Variants in PLAC1 observed in about 807,000 individuals in gnomAD.
PLAC1 encodes placenta associated 1.
For missense variants in PLAC1, 136 were observed against 163.2 expected (o/e 0.83, Z 0.91); for synonymous variants, 68 against 62.1 (o/e 1.09, Z -0.44).
chrX:134,689,379 C>T (rs192013473), intron 2 of PLAC1, among the ~76,000 whole-genome samples: 3 of 112,038 alleles, frequency 2.7e-5, no homozygotes, highest in African/African-American at 9.7e-5. Flanking sequence ...TTTTCACTAT[C>T]TCCATACAAA....
rs770794730 is a variant in PLAC1 at position 134,709,691 on chromosome X, T to G, written n.174+23744A>C. ...AAAAAGGGCCTACAAACAACTCAGG[T>G]AAGTCTATGAGAACTAGGTAAAGGA... On this transcript the variant is annotated intron_variant and non_coding_transcript_variant, in intron 2 of 2. Transcript: ENST00000466797. Among the ~76,000 whole-genome samples, 5 of 111,896 alleles carry G rather than the reference T, an allele frequency of 4.5e-5. No homozygotes were observed. The South Asian group carries it at 1.9e-3, about 42-fold the overall frequency.
intron 2 of PLAC1, among the ~76,000 whole-genome samples, chrX:134,699,175 T>A (rs1251693483): frequency 8.9e-6 from 1 of 112,038 alleles, no homozygotes; most frequent in South Asian, 3.7e-4. Context: ...CCAAAATTCG[T>A]GCAGGAACTT....
chrX:134,605,471 G>A (rs1408036574), intron 1 of PLAC1: 3 of 112,198 alleles, frequency 2.7e-5, no homozygotes, highest in Non-Finnish European at 5.6e-5. Flanking sequence ...ACAAATGGCT[G>A]GAGACTGGGG....
chrX:134,638,521 A>AT (rs2078293720), intron 1 of PLAC1, among the ~76,000 whole-genome samples: 2 of 111,836 alleles, frequency 1.8e-5, no homozygotes, highest in East Asian at 2.8e-4. Context: ...CACTAATTCT[A>AT]TTTTTTTCAG....
At chrX:134,755,040 T>G (rs986219947) in intron 1 of PLAC1, among the ~76,000 whole-genome samples, 1 of 111,820 alleles carries the variant, frequency 8.9e-6, no homozygotes, top group South Asian at 3.7e-4. Flanking sequence ...CAATTTATCA[T>G]GTAAATTTGC....
At chrX:134,659,553 T>C (rs908110521), upstream of PLAC1, among the ~76,000 whole-genome samples, 2 of 111,251 alleles carry the variant, frequency 1.8e-5, no homozygotes, top group Non-Finnish European at 3.8e-5. Flanking sequence ...AAAAACACAG[T>C]TCAGAAGTGT....
chrX:134,720,053 T>TA (rs2078653309), intron 2 of PLAC1, among the ~76,000 whole-genome samples: 1 of 107,986 alleles, frequency 9.3e-6, no homozygotes, highest in South Asian at 4.0e-4. Flanking sequence ...AAGGAAGAAG[T>TA]AAAAAATATC....
intron 1 of PLAC1, among the ~76,000 whole-genome samples, chrX:134,735,997 G>A (rs1228691248): frequency 2.7e-5 from 3 of 109,660 alleles, no homozygotes; most frequent in African/African-American, 1.0e-4. Flanking sequence ...AAGTAAAGGG[G>A]CTGGGCGCGG....
chrX:134,762,067 G>A (rs757742762), intron 1 of PLAC1, among the ~76,000 whole-genome samples: 10 of 110,769 alleles, frequency 9.0e-5, no homozygotes, highest in Non-Finnish European at 1.7e-4. Flanking sequence ...CAGGTCCACA[G>A]AGAACATTCC....
chrX:134,599,782 C>T (rs2078080015), intron 2 of PLAC1, among the ~76,000 whole-genome samples: 1 of 111,405 alleles, frequency 9.0e-6, no homozygotes, highest in Non-Finnish European at 1.9e-5. Flanking sequence ...TCAGAAAAGC[C>T]TCCATTTTGG....
intron 2 of PLAC1, among the ~76,000 whole-genome samples, chrX:134,709,592 A>G (rs2078621743): frequency 9.0e-6 from 1 of 110,987 alleles, no homozygotes; most frequent in Non-Finnish European, 1.9e-5. Context: ...ACAGAGCGAG[A>G]CTCTATCTCA....
chrX:134,702,212 T>C (rs1225684135), intron 2 of PLAC1, among the ~76,000 whole-genome samples: 1 of 112,102 alleles, frequency 8.9e-6, no homozygotes, highest in African/African-American at 3.3e-5. Context: ...AAAACAGAAC[T>C]ACCATTTATT....
At chrX:134,757,521 T>C (rs2078760051) in intron 1 of PLAC1, among the ~76,000 whole-genome samples, 1 of 112,368 alleles carries the variant, frequency 8.9e-6, no homozygotes. Context: ...ATATGACAAG[T>C]ACATGAATTT....
intron 1 of PLAC1, among the ~76,000 whole-genome samples, chrX:134,622,270 T>C (rs2078214672): frequency 8.9e-6 from 1 of 111,997 alleles, no homozygotes; most frequent in South Asian, 3.8e-4. Context: ...CTTTTCCTCA[T>C]GGGCCCACGG....
chrX:134,658,836 G>C (rs767676164), upstream of PLAC1, among the ~76,000 whole-genome samples: 3 of 111,909 alleles, frequency 2.7e-5, no homozygotes, highest in Non-Finnish European at 3.8e-5. Flanking sequence ...CTGTTGCCAA[G>C]GCAGTCTTTC....
At chrX:134,689,644 C>G (rs2078529846) in intron 2 of PLAC1, among the ~76,000 whole-genome samples, 1 of 111,165 alleles carries the variant, frequency 9.0e-6, no homozygotes, top group African/African-American at 3.3e-5. Flanking sequence ...CAGTACTGGC[C>G]CTGCCACTGA....
chrX:134,637,942 G>C (rs1473714388), intron 1 of PLAC1, among the ~76,000 whole-genome samples: 5 of 112,084 alleles, frequency 4.5e-5, no homozygotes, highest in African/African-American at 1.6e-4. Context: ...GAACACAGCA[G>C]GTGCTCAATA....
intron 1 of PLAC1, among the ~76,000 whole-genome samples, chrX:134,657,123 G>A (rs2078395542): frequency 8.9e-6 from 1 of 112,059 alleles, no homozygotes; most frequent in Admixed American, 9.5e-5. Flanking sequence ...CAGTGAGACA[G>A]GAAGGACCAA....
intron 1 of PLAC1, among the ~76,000 whole-genome samples, chrX:134,645,384 G>T (rs111765560): frequency 0.013 from 1,412 of 111,951 alleles, 23 homozygotes; most frequent in African/African-American, 0.044. Flanking sequence ...ATTTGCTCAA[G>T]GTTCACATTG....
Sources: gnomAD v4.1 joint callset for allele counts (sites outside exome capture counted in the v4.1 genomes callset) on GRCh38, gnomAD v4.1.1 for gene constraint, MANE v1.5 for transcripts, NCBI Gene and HGNC (gene_info 2026-07-23, HGNC 2026-07-21) for gene names.